KIAA0586: variants seen among roughly 807,000 people sequenced by gnomAD.
The protein encoded by KIAA0586 is protein TALPID3.
A neutral mutation model predicts 169.8 loss-of-function variants in KIAA0586; 144 were observed. The observed-to-expected ratio is 0.85, with a 90% CI of 0.74 to 0.97. KIAA0586 has a LOEUF of 0.97. Ranked by LOEUF, KIAA0586 falls within the 50% of genes least tolerant of loss-of-function variation. The pLI, the probability that KIAA0586 is intolerant of heterozygous loss-of-function variation, is 0.00. For synonymous variants in KIAA0586, 625 were observed against 612.4 expected (o/e 1.02, Z -0.30); for missense variants, 1,854 against 1,823.0 (o/e 1.02, Z -0.31).
chr14:58,557,766 A>T, the KIAA0586 span, among the ~76,000 whole-genome samples: 1 of 152,208 alleles, frequency 6.6e-6, no homozygotes, highest in Admixed American at 6.5e-5. Context: ...TGTTTGGCAT[A>T]GTTAGGGATA....
intron 12 of KIAA0586, among the ~76,000 whole-genome samples, chr14:58,459,421 G>C (rs2140868245): frequency 6.6e-6 from 1 of 152,218 alleles, no homozygotes; most frequent in Non-Finnish European, 1.5e-5. Context: ...CCCATGTAAA[G>C]TATATTTGTT....
chr14:58,447,616 G>T (rs144513952), intron 6 of KIAA0586, among the ~76,000 whole-genome samples: 1 of 151,942 alleles, frequency 6.6e-6, no homozygotes, highest in Non-Finnish European at 1.5e-5. Context: ...GAGTAGCTGG[G>T]ATTACAGGCT....
At chr14:58,528,316 A>G (rs1595498211) in intron 29 of KIAA0586, among the ~76,000 whole-genome samples, 1 of 152,316 alleles carries the variant, frequency 6.6e-6, no homozygotes, top group Non-Finnish European at 1.5e-5. Context: ...ATTAACAAGG[A>G]TAATCAGGAC....
chr14:58,438,391 A>G (rs1191978672), intron 4 of KIAA0586, among the ~76,000 whole-genome samples: 1 of 152,164 alleles, frequency 6.6e-6, no homozygotes, highest in African/African-American at 2.4e-5. Context: ...AAAAATAAGG[A>G]ATTCCTGAAT....
In KIAA0586 at chr14:58,460,959, G is replaced by A. The variant is rs371011500; in HGVS notation, c.1885-27G>A. ...TAAGTGTTTGATGACTGTTTTCATGGTGAGTTGAATAACTTTGTACACACA... is the reference window on the plus strand; with the variant it reads ...TAAGTGTTTGATGACTGTTTTCATGATGAGTTGAATAACTTTGTACACACA... On this transcript the variant is annotated intron_variant, in intron 13 of 30. Coordinates refer to ENST00000652326, the MANE Select transcript of KIAA0586 (RefSeq NM_001329943.3). 4.7e-6 allele frequency: 7 copies of A among 1,479,776 alleles called. No individual in the cohort carries two copies. The African/African-American group carries it at 1.0e-4, about 21-fold the overall frequency. 91.7% of individuals were successfully genotyped at this position (1,479,776 alleles called of 1,614,324 possible).
intron 16 of KIAA0586, among the ~76,000 whole-genome samples, chr14:58,468,521 CTT>C (rs2040952707): frequency 1.3e-5 from 2 of 152,284 alleles, no homozygotes; most frequent in African/African-American, 4.8e-5. Context: ...ATATATGTGA[CTT>C]ATATAATTAA....
chr14:58,452,791 A>G (rs1185923982), intron 8 of KIAA0586, among the ~76,000 whole-genome samples: 2 of 152,158 alleles, frequency 1.3e-5, no homozygotes, highest in East Asian at 3.8e-4. Flanking sequence ...TTGGCCTCCC[A>G]GAGTGCTGGG....
intron 6 of KIAA0586, among the ~76,000 whole-genome samples, chr14:58,445,368 AG>A (rs2038786256): frequency 6.6e-6 from 1 of 152,102 alleles, no homozygotes; most frequent in African/African-American, 2.4e-5. Flanking sequence ...TATTATAAAA[AG>A]CATTATCCTC....
intron 15 of KIAA0586, among the ~76,000 whole-genome samples, chr14:58,467,073 G>C (rs2040828694): frequency 6.6e-6 from 1 of 152,050 alleles, no homozygotes; most frequent in Admixed American, 6.6e-5. Context: ...TAATGTAAGA[G>C]ACTTTTTTAT....
At chr14:58,471,807 T>C (rs913706678) in intron 17 of KIAA0586, among the ~76,000 whole-genome samples, 1 of 152,166 alleles carries the variant, frequency 6.6e-6, no homozygotes, top group Non-Finnish European at 1.5e-5. Flanking sequence ...TTGTTTTTTT[T>C]CCTGAATTAT....
chr14:58,498,677 A>G (rs542736497), intron 26 of KIAA0586, 106 bp from the exon 27 acceptor site: 1 of 927,114 alleles, frequency 1.1e-6, no homozygotes. Context: ...TTTGTAAAAT[A>G]CCTTCCAAGG....
the KIAA0586 span, among the ~76,000 whole-genome samples, chr14:58,560,723 A>G: frequency 6.6e-6 from 1 of 152,282 alleles, no homozygotes; most frequent in East Asian, 1.9e-4. Flanking sequence ...GCTGAATTCA[A>G]ATGCTTTATG....
chr14:58,467,655 C>A, intron 15 of KIAA0586, 80 bp from the exon 16 acceptor site: 2 of 1,008,048 alleles, frequency 2.0e-6, no homozygotes, highest in South Asian at 1.7e-5. Context: ...AGAATATAGC[C>A]ATTAAGATCC....
chr14:58,490,313 G>A (rs987519270), intron 25 of KIAA0586, 73 bp downstream of exon 25: 12 of 805,952 alleles, frequency 1.5e-5, no homozygotes, highest in Admixed American at 1.0e-4. Flanking sequence ...CCACTGATCA[G>A]GTTTTTTCTC....
At chr14:58,458,980 A>C (rs372126698) in intron 12 of KIAA0586, among the ~76,000 whole-genome samples, 1 of 152,172 alleles carries the variant, frequency 6.6e-6, no homozygotes, top group African/African-American at 2.4e-5. Flanking sequence ...CTTTCTCACA[A>C]CCACAATGGG....
chr14:58,460,677 G>A (rs1048307972), intron 13 of KIAA0586, among the ~76,000 whole-genome samples: 1 of 152,054 alleles, frequency 6.6e-6, no homozygotes, highest in Non-Finnish European at 1.5e-5. Context: ...TAAGGTTGTT[G>A]TATTTTTATT....
chr14:58,465,079 A>G (rs898301081), intron 14 of KIAA0586, among the ~76,000 whole-genome samples: 1 of 152,162 alleles, frequency 6.6e-6, no homozygotes. Context: ...AAAAAAATTA[A>G]TGAATAATTT....
intron 17 of KIAA0586, 132 bp downstream of exon 17, chr14:58,470,855 CA>C (rs557219400): frequency 9.7e-5 from 52 of 538,112 alleles, no homozygotes; most frequent in Middle Eastern, 3.9e-4. Flanking sequence ...AGATTGAAAA[CA>C]ATTTTTTTTT....
chr14:58,430,803 C>T (rs549249026), intron 3 of KIAA0586, 86 bp downstream of exon 3: 1 of 697,634 alleles, frequency 1.4e-6, no homozygotes, highest in African/African-American at 1.8e-5. Context: ...AGTTCTGTGA[C>T]AGTAAGTACA....
Sources: allele counts gnomAD v4.1 joint callset (sites outside exome capture counted in the v4.1 genomes callset), GRCh38; gene constraint gnomAD v4.1.1; transcripts MANE v1.5; gene names NCBI Gene and HGNC (gene_info 2026-07-23, HGNC 2026-07-21).